The following TLR2 variants were observed in gnomAD, a reference collection of about 807,000 sequenced individuals.
TLR2 encodes the protein toll-like receptor 2.
Under a neutral mutation model 9.1 loss-of-function variants are expected in TLR2, and 7 were observed. That is an observed-to-expected ratio of 0.77 (90% CI 0.44 to 1.44). TLR2 has a LOEUF of 1.44. Among genes scored for constraint, TLR2 ranks in the 40% most tolerant of loss-of-function variants. TLR2 has a pLI of 0.01. For synonymous variants in TLR2, 317 were observed against 344.6 expected, an observed-to-expected ratio of 0.92 and a Z score of 0.89; for missense variants, 812 against 904.6, an observed-to-expected ratio of 0.90 and a Z score of 1.31.
rs761297226 is a variant in TLR2 at position 153,702,963 on chromosome 4, A to T, written c.56A>T (p.Lys19Met). 19 of 1,613,904 alleles carry T rather than the reference A, an allele frequency of 1.2e-5. No individual in the cohort carries two copies. The East Asian group carries it at 3.3e-4, about 28-fold the overall frequency. ...TTGGGGGTCATCATCAGCCTCTCCA[A>T]GGAAGAATCCTCCAATCAGGCTTCT... ...WVLGVIISLS[K>M]EESSNQASLS... Residue 19 changes from lysine (K) to methionine (M), a missense_variant, in exon 3 of 3, where the codon AAG (lysine) becomes ATG (methionine). Coordinates refer to ENST00000642700, the MANE Select transcript of TLR2 (RefSeq NM_001318789.2).
chr4:153,692,953 G>A lies in TLR2; in HGVS notation c.-17+4906G>A, dbSNP rs141144074. Among the ~76,000 whole-genome samples the A allele has an allele frequency of 4.7e-3, 710 of 152,278 alleles. 8 individuals are homozygous for A. Among genetic ancestry groups the A allele is most frequent in the African/African-American group, 0.016 (684 of 41,558 alleles). ...ACTTTTAAATTTCTTTCCCTGAATA[G>A]TTATTTCACCAGTAGGATGTTTATC... On this transcript the variant is annotated intron_variant, in intron 2 of 2. Transcript: ENST00000642700.
At chr4:153,697,297 A>G (rs1324703808) in intron 2 of TLR2, among the ~76,000 whole-genome samples, 1 of 152,200 alleles carries the variant, frequency 6.6e-6, no homozygotes, top group Non-Finnish European at 1.5e-5. Context: ...TGCTCTTAAT[A>G]AGAAATTGAA....
At chr4:153,692,203 A>G (rs1258546475) in intron 2 of TLR2, among the ~76,000 whole-genome samples, 1 of 152,222 alleles carries the variant, frequency 6.6e-6, no homozygotes, top group East Asian at 1.9e-4. Flanking sequence ...TTTTAAATTT[A>G]TGACTATTAA....
chr4:153,705,392 A>G lies in TLR2; in HGVS notation c.*130A>G, dbSNP rs567751771. The G allele has an allele frequency of 1.1e-4, 116 of 1,060,628 alleles. No homozygotes were observed. The highest frequency in any genetic ancestry group is 1.1e-4 in the Non-Finnish European group (89 of 775,940). 65.7% of individuals were successfully genotyped at this position (1,060,628 alleles called of 1,614,324 possible). A position where few individuals can be genotyped will look rare whatever the true frequency, so the allele number is the denominator to read the frequency against. On this transcript the variant is annotated 3_prime_UTR_variant, in exon 3 of 3. Coordinates refer to ENST00000642700, the MANE Select transcript of TLR2 (RefSeq NM_001318789.2). Reference sequence around the variant, plus strand: ...GTCATTTGAGGACTTGCTTACTAAAACTACAAAACTTCAAATTTTGTCTGG... The same window carrying G: ...GTCATTTGAGGACTTGCTTACTAAAGCTACAAAACTTCAAATTTTGTCTGG...
At chr4:153,694,610 A>C (rs973114137) in intron 2 of TLR2, among the ~76,000 whole-genome samples, 1 of 152,242 alleles carries the variant, frequency 6.6e-6, no homozygotes, top group Non-Finnish European at 1.5e-5. Flanking sequence ...ACAGGCATAC[A>C]ATGGATAATA....
chr4:153,703,745 T>G lies in TLR2; in HGVS notation c.838T>G (p.Leu280Val), dbSNP rs764745897. Reference sequence around the variant, plus strand: ...ACTTTTGAATCAGATTTCTGGATTGTTAGAATTAGAGTTTGATGACTGTAC... The same window carrying G: ...ACTTTTGAATCAGATTTCTGGATTGGTAGAATTAGAGTTTGATGACTGTAC... ...MKLLNQISGL[L>V]ELEFDDCTLN... is the part of the protein sequence containing the mutation. The change falls in exon 3 of 3, where the codon TTA (leucine) becomes GTA (valine). Residue 280 changes from leucine (L) to valine (V), a missense_variant. Physicochemically the swap from Leu to Val is conservative, Grantham distance 32. Transcript: ENST00000642700. 1.2e-6 allele frequency: 2 copies of G among 1,613,912 alleles called. No individual in the cohort carries two copies. The highest frequency in any genetic ancestry group is 2.2e-5 in the South Asian group (2 of 91,052).
In TLR2 at chr4:153,687,980, C is replaced by T. The variant is rs1245195220; in HGVS notation, c.-84C>T. 2.0e-5 allele frequency: 3 copies of T among 152,292 alleles called. No individual in the cohort carries two copies. In the South Asian group the frequency reaches 6.2e-4, roughly 32 times the overall value. The allele number at this position is 152,292 out of a possible 1,614,324, so 9.4% of individuals were successfully genotyped here. A position where few individuals can be genotyped will look rare whatever the true frequency, so the allele number is the denominator to read the frequency against. On this transcript the variant is annotated 5_prime_UTR_variant, in exon 2 of 3. Coordinates refer to ENST00000642700, the MANE Select transcript of TLR2 (RefSeq NM_001318789.2). The stretch of plus-strand genomic sequence containing the variant: ...GTGACTCCCAGGAGCTCTTAGTGAC[C>T]AAGTGAAGGTACCTGTGGGGCTCAT...
chr4:153,696,738 G>C (rs1425455279), intron 2 of TLR2, among the ~76,000 whole-genome samples: 1 of 152,076 alleles, frequency 6.6e-6, no homozygotes, highest in Non-Finnish European at 1.5e-5. Flanking sequence ...TTGCTTTATA[G>C]TTTTCACTGG....
intron 2 of TLR2, among the ~76,000 whole-genome samples, chr4:153,699,498 T>C (rs911079370): frequency 6.6e-6 from 1 of 152,188 alleles, no homozygotes; most frequent in African/African-American, 2.4e-5. Flanking sequence ...CTTCAAACAT[T>C]AGCTACTACA....
At chr4:153,695,623 G>T (rs938271559) in intron 2 of TLR2, among the ~76,000 whole-genome samples, 1 of 152,064 alleles carries the variant, frequency 6.6e-6, no homozygotes, top group Non-Finnish European at 1.5e-5. Flanking sequence ...CCCATTCTGT[G>T]TATTGCCTCT....
chr4:153,704,870 G>A lies in TLR2; in HGVS notation c.1963G>A (p.Val655Met), dbSNP rs545440880. 1.2e-6 allele frequency: 2 copies of A among 1,613,928 alleles called. No homozygotes were observed. Among genetic ancestry groups the A allele is most frequent in the South Asian group, 2.2e-5 (2 of 91,074 alleles). The change falls in exon 3 of 3, where the codon GTG becomes ATG. Residue 655 changes from valine to methionine, a missense_variant. Coordinates refer to ENST00000642700, the MANE Select transcript of TLR2 (RefSeq NM_001318789.2). ...VSYSERDAYW[V>M]ENLMVQELEN... Reference sequence around the variant, plus strand: ...TTACAGTGAGCGGGATGCCTACTGGGTGGAGAACCTTATGGTCCAGGAGCT... The same window carrying A: ...TTACAGTGAGCGGGATGCCTACTGGATGGAGAACCTTATGGTCCAGGAGCT...
chr4:153,684,617 G>A (rs1163731973), intron 1 of TLR2, among the ~76,000 whole-genome samples: 2 of 152,206 alleles, frequency 1.3e-5, no homozygotes, highest in Non-Finnish European at 2.9e-5. Flanking sequence ...GTCGGCCCTC[G>A]GGAGAAGCAG....
At chr4:153,698,294 G>C (rs957519132) in intron 2 of TLR2, among the ~76,000 whole-genome samples, 14 of 152,162 alleles carry the variant, frequency 9.2e-5, no homozygotes, top group Admixed American at 2.6e-4. Flanking sequence ...TGCTTTGGCA[G>C]ATTTTCATGC....
At chr4:153,688,394 C>T (rs1328285682) in intron 2 of TLR2, 2 of 152,332 alleles carry the variant, frequency 1.3e-5, no homozygotes, top group Non-Finnish European at 2.9e-5. Context: ...GTCGTGGAGA[C>T]CCTAACCCAG....
At position 153,703,704 on chromosome 4, in the gene TLR2, T is replaced by C. The variant is rs1470885208; in HGVS notation, c.797T>C (p.Leu266Ser). The change falls in exon 3 of 3, where the codon TTG becomes TCG. Residue 266 changes from leucine to serine, a missense_variant. Physicochemically the swap from Leu to Ser is moderately radical, Grantham distance 145. Transcript: ENST00000642700. ...AATGTGAAAATCACCGATGAAAGTT[T>C]GTTTCAGGTTATGAAACTTTTGAAT... Reference protein sequence around the residue: ...FRNVKITDESLFQVMKLLNQI... With the variant: ...FRNVKITDESSFQVMKLLNQI... 6.2e-7 allele frequency: 1 copy of C among 1,613,638 alleles called. No individual in the cohort carries two copies. Among genetic ancestry groups the C allele is most frequent in the Non-Finnish European group, 8.5e-7 (1 of 1,179,912 alleles).
chr4:153,694,065 G>A (rs1578979213), intron 2 of TLR2, among the ~76,000 whole-genome samples: 1 of 152,210 alleles, frequency 6.6e-6, no homozygotes, highest in African/African-American at 2.4e-5. Flanking sequence ...ATTTACCCAC[G>A]TATTTATTGA....
rs1159960994 is a variant in TLR2, at chr4:153,702,728, C to T, written c.-16-164C>T. The stretch of plus-strand genomic sequence containing the variant: ...ATTCATTTTTTTATCCCCATTCATT[C>T]GTTCCATTCATCTGTTTCTCTCTCT... On this transcript the variant is annotated intron_variant, in intron 2 of 2. Transcript: ENST00000642700. 2.8e-5 allele frequency: 18 copies of T among 635,376 alleles called. No homozygotes were observed. The East Asian group carries it at 3.9e-4, about 14-fold the overall frequency. The allele number at this position is 635,376 out of a possible 1,614,324, so 39.4% of individuals were successfully genotyped here.
chr4:153,703,198 T>C lies in TLR2; in HGVS notation c.291T>C (p.Ser97=), dbSNP rs150897815. 4.4e-5 allele frequency: 71 copies of C among 1,614,130 alleles called. No individual in the cohort carries two copies. The highest frequency in any genetic ancestry group is 5.8e-5 in the Non-Finnish European group (68 of 1,180,046). ...GINTIEEDSF[S]SLGSLEHLDL... ...ACACAATAGAGGAAGATTCTTTTTC[T>C]TCCCTGGGCAGTCTTGAACATTTAG... Residue 97 remains serine (S), a synonymous_variant, in exon 3 of 3, where the codon TCT becomes TCC. Transcript: ENST00000642700.
chr4:153,691,314 A>G (rs1460257203), intron 2 of TLR2, among the ~76,000 whole-genome samples: 1 of 152,188 alleles, frequency 6.6e-6, no homozygotes, highest in Non-Finnish European at 1.5e-5. Flanking sequence ...AAGTAAGACT[A>G]TTTATAGAAG....
Sources: allele counts gnomAD v4.1 joint callset (sites outside exome capture counted in the v4.1 genomes callset), GRCh38; gene constraint gnomAD v4.1.1; transcripts MANE v1.5; gene names NCBI Gene and HGNC (gene_info 2026-07-23, HGNC 2026-07-21).